The following DGKI variants were observed in gnomAD, a reference collection of about 807,000 sequenced individuals.
DGKI encodes the protein diacylglycerol kinase iota, also known as DAG kinase iota.
Under a neutral mutation model 147.5 loss-of-function variants are expected in DGKI, and 55 were observed. The observed-to-expected ratio is 0.37, with a 90% CI of 0.30 to 0.47. The LOEUF is 0.47. DGKI is among the 20% of genes least tolerant of loss of function. The pLI is 1.00. For synonymous variants in DGKI, 469 were observed against 477.1 expected (o/e 0.98, Z 0.22); for missense variants, 1,007 against 1,323.8 (o/e 0.76, Z 3.71).
chr7:137,428,294 C>A (rs1164987467), intron 28 of DGKI, among the ~76,000 whole-genome samples: 1 of 152,120 alleles, frequency 6.6e-6, no homozygotes, highest in Non-Finnish European at 1.5e-5. Context: ...GAACCAAAGA[C>A]AAAAACCACA....
At chr7:137,842,848 TATAATA>T (rs908052232) in intron 1 of DGKI, among the ~76,000 whole-genome samples, 2 of 151,988 alleles carry the variant, frequency 1.3e-5, no homozygotes, top group Admixed American at 1.3e-4. Flanking sequence ...TGCAATAATA[TATAATA>T]ATAATAATAT....
intron 23 of DGKI, among the ~76,000 whole-genome samples, chr7:137,477,073 A>G (rs1267229064): frequency 6.6e-6 from 1 of 152,176 alleles, no homozygotes; most frequent in Non-Finnish European, 1.5e-5. Context: ...ACAGATGTCA[A>G]ACTAAGCTTC....
At chr7:137,533,853 A>T (rs1313069100) in intron 20 of DGKI, among the ~76,000 whole-genome samples, 2 of 151,990 alleles carry the variant, frequency 1.3e-5, no homozygotes, top group African/African-American at 4.8e-5. Flanking sequence ...AAGTATTTCT[A>T]TTTCAGTCAA....
chr7:137,777,238 A>C (rs1796389118), intron 1 of DGKI, among the ~76,000 whole-genome samples: 1 of 152,178 alleles, frequency 6.6e-6, no homozygotes, highest in Non-Finnish European at 1.5e-5. Flanking sequence ...GTATATATGC[A>C]TGGTAGTAAT....
intron 27 of DGKI, among the ~76,000 whole-genome samples, chr7:137,450,001 G>A (rs972966124): frequency 1.3e-5 from 2 of 152,076 alleles, no homozygotes; most frequent in South Asian, 2.1e-4. Flanking sequence ...TGAACCTGAA[G>A]GATATTATGT....
chr7:137,661,836 G>A (rs188633384), intron 3 of DGKI, among the ~76,000 whole-genome samples: 105 of 152,300 alleles, frequency 6.9e-4, no homozygotes, highest in African/African-American at 2.4e-3. Context: ...CTAATGGAAT[G>A]CTTAGGAAAG....
intron 3 of DGKI, among the ~76,000 whole-genome samples, chr7:137,669,530 G>A (rs1038319639): frequency 6.6e-6 from 1 of 152,088 alleles, no homozygotes; most frequent in Non-Finnish European, 1.5e-5. Context: ...TTATTACTAG[G>A]TAACAGGACC....
rs1798709704 is a variant in DGKI at position 137,846,134 on chromosome 7, T to TC, written c.401+327_401+328insG. On this transcript the variant is annotated intron_variant, in intron 1 of 32. Coordinates refer to ENST00000614521, the MANE Select transcript of DGKI (RefSeq NM_001321708.2). This position sits in a 1 kb window ranked among gnomAD's most constrained non-coding sequence, Gnocchi z 4.0. ...TCTGCAACCCTTTCTCTCTCTCTCTTTCTCTCTCTCTCTCTCTCTCTCTCT... is the reference window on the plus strand; with the variant it reads ...TCTGCAACCCTTTCTCTCTCTCTCTTCTCTCTCTCTCTCTCTCTCTCTCTCT... Among the ~76,000 whole-genome samples, 11 of 85,366 alleles carry TC rather than the reference T, an allele frequency of 1.3e-4. No individual in the cohort carries two copies. The highest frequency in any genetic ancestry group is 4.5e-4 in the African/African-American group (9 of 19,802). 56.0% of individuals were successfully genotyped at this position (85,366 alleles called of 152,430 possible). A position where few individuals can be genotyped will look rare whatever the true frequency, so the allele number is the denominator to read the frequency against.
At chr7:137,532,790 A>G (rs1003745401) in intron 20 of DGKI, among the ~76,000 whole-genome samples, 1 of 152,132 alleles carries the variant, frequency 6.6e-6, no homozygotes, top group Non-Finnish European at 1.5e-5. Context: ...TCCTGATCCA[A>G]TGACTGAGGG....
In DGKI at chr7:137,402,871, G is replaced by A. The variant is rs372341368; in HGVS notation, c.2920+5004C>T. On this transcript the variant is annotated intron_variant, in intron 30 of 32. Transcript: ENST00000614521. ...CAGAAAAAGGGGGGTTAAAAAAAGA[G>A]AAAAGAAAGACTGAAGACAGAAAAA... 2.5e-3 allele frequency among the ~76,000 whole-genome samples: 375 copies of A among 152,164 alleles called. 1 individual carries two copies. The highest frequency in any genetic ancestry group is 4.6e-3 in the Non-Finnish European group (312 of 68,006).
intron 5 of DGKI, among the ~76,000 whole-genome samples, chr7:137,652,974 C>G (rs2129011153): frequency 6.6e-6 from 1 of 152,328 alleles, no homozygotes; most frequent in African/African-American, 2.4e-5. Flanking sequence ...ACCCACTCAA[C>G]CTTCTATTGG....
At chr7:137,571,056 T>C (rs17169284) in intron 19 of DGKI, 119 bp downstream of exon 19, 18,471 of 693,768 alleles carry the variant, frequency 0.027, 991 homozygotes, top group African/African-American at 0.17. Context: ...AGCAACTCTA[T>C]AATTCATAAA....
At chr7:137,481,138 CTAAGA>C (rs929475445) in intron 23 of DGKI, among the ~76,000 whole-genome samples, 1 of 152,108 alleles carries the variant, frequency 6.6e-6, no homozygotes, top group Non-Finnish European at 1.5e-5. Context: ...TCTGTGCACG[CTAAGA>C]TGTTTAACAG....
intron 1 of DGKI, among the ~76,000 whole-genome samples, chr7:137,845,748 T>C (rs1432512641): frequency 6.6e-6 from 1 of 152,046 alleles, no homozygotes; most frequent in Non-Finnish European, 1.5e-5. Flanking sequence ...CATCCTTAGG[T>C]GCAAATATGG....
At position 137,587,206 on chromosome 7, in the gene DGKI, C is replaced by G; in HGVS notation, c.1316G>C (p.Gly439Ala). ...TTCATCCAGGATGGAAAGGATCCAG[C>G]CCACCTACAGGCGTATCGGGGGCCA... ...ILACGGDGTV[G>A]WILSILDELQ... The change falls in exon 13 of 33, where the codon GGC becomes GCC. Residue 439 changes from glycine (G) to alanine (A), a missense_variant. Transcript: ENST00000614521. The G allele has an allele frequency of 6.2e-7, 1 of 1,609,928 alleles. No individual in the cohort carries two copies.
chr7:137,426,118 T>A (rs764737115), intron 28 of DGKI, among the ~76,000 whole-genome samples: 8 of 151,982 alleles, frequency 5.3e-5, no homozygotes, highest in Non-Finnish European at 8.8e-5. Flanking sequence ...GAAGTTGAAA[T>A]GAAGGAAAAA....
At chr7:137,679,842 T>C (rs1823169817) in intron 2 of DGKI, among the ~76,000 whole-genome samples, 1 of 151,616 alleles carries the variant, frequency 6.6e-6, no homozygotes, top group Non-Finnish European at 1.5e-5. Flanking sequence ...ATACAAAAAT[T>C]AGCTGGGTGT....
At position 137,583,442 on chromosome 7, in the gene DGKI, A is replaced by G. The variant is rs147673359; in HGVS notation, c.1564-1514T>C. 4.5e-3 allele frequency among the ~76,000 whole-genome samples: 690 copies of G among 152,278 alleles called. 6 individuals are homozygous for G. Among genetic ancestry groups the G allele is most frequent in the African/African-American group, 0.016 (661 of 41,560 alleles). ...TACCATTTATGTTCTTTTGGCCACA[A>G]TTCTAACCCATGTCTTAACATCTAC... On this transcript the variant is annotated intron_variant, in intron 14 of 32. Transcript: ENST00000614521.
chr7:137,622,033 A>C (rs1247693396), intron 7 of DGKI, among the ~76,000 whole-genome samples: 1 of 152,186 alleles, frequency 6.6e-6, no homozygotes, highest in East Asian at 1.9e-4. Context: ...TTGTGCACAC[A>C]TTCTTGAACA....
Sources: gnomAD v4.1 joint callset for allele counts (sites outside exome capture counted in the v4.1 genomes callset) on GRCh38, gnomAD v4.1.1 for gene constraint, Gnocchi (gnomAD v3.1) non-coding constraint, MANE v1.5 for transcripts, NCBI Gene and HGNC (gene_info 2026-07-23, HGNC 2026-07-21) for gene names.